SYT6: variants seen among roughly 807,000 people sequenced by gnomAD.
SYT6 encodes synaptotagmin-6.
In SYT6, 24 loss-of-function variants were observed where a neutral mutation model predicts 38.4. That is an observed-to-expected ratio of 0.62 (90% CI 0.45 to 0.88). The LOEUF is 0.88. Ranked by LOEUF, SYT6 falls within the 40% of genes least tolerant of loss-of-function variation. The pLI, the probability that SYT6 is intolerant of heterozygous loss-of-function variation, is 0.00. For synonymous variants in SYT6, 265 were observed against 241.9 expected (o/e 1.10, Z -0.89); for missense variants, 611 against 621.0 (o/e 0.98, Z 0.17).
chr1:114,093,847 C>T (rs1321081683), intron 6 of SYT6, 44 bp from the exon 7 acceptor site: 5 of 1,582,702 alleles, frequency 3.2e-6, no homozygotes, highest in Non-Finnish European at 4.3e-6. Context: ...TTGTTGAGGC[C>T]ACTGTGGCTT....
At chr1:114,140,887 T>C (rs889574954) in intron 1 of SYT6, among the ~76,000 whole-genome samples, 9 of 152,234 alleles carry the variant, frequency 5.9e-5, no homozygotes, top group African/African-American at 2.2e-4. Flanking sequence ...GTTGTTATGG[T>C]GATCTATGAT....
At chr1:114,099,838 G>T (rs1249104388) in intron 4 of SYT6, among the ~76,000 whole-genome samples, 1 of 152,092 alleles carries the variant, frequency 6.6e-6, no homozygotes, top group Non-Finnish European at 1.5e-5. Context: ...ACATAATTTT[G>T]GGTCCCATTG....
At chr1:114,148,015 C>T (rs913350384) in intron 1 of SYT6, among the ~76,000 whole-genome samples, 4 of 152,230 alleles carry the variant, frequency 2.6e-5, no homozygotes, top group African/African-American at 9.6e-5. Flanking sequence ...GGCCCCTCTT[C>T]TCTCCTGGGA....
At chr1:114,137,336 G>A (rs1678539427) in intron 3 of SYT6, among the ~76,000 whole-genome samples, 159 bp downstream of exon 3, 1 of 152,224 alleles carries the variant, frequency 6.6e-6, no homozygotes, top group South Asian at 2.1e-4. Flanking sequence ...GGGGCAGAGT[G>A]CAAGGGTAGA....
chr1:114,133,287 C>A (rs1305529259), intron 3 of SYT6, among the ~76,000 whole-genome samples: 1 of 152,142 alleles, frequency 6.6e-6, no homozygotes, highest in South Asian at 2.1e-4. Flanking sequence ...ATATTTATGG[C>A]CCCAGTTACA....
chr1:114,102,595 T>C (rs757056827), intron 4 of SYT6, among the ~76,000 whole-genome samples: 1 of 150,042 alleles, frequency 6.7e-6, no homozygotes, highest in African/African-American at 2.5e-5. Context: ...TTCCAGCAAA[T>C]AAATAAAGAA....
At chr1:114,136,017 G>A (rs753492864) in intron 3 of SYT6, among the ~76,000 whole-genome samples, 6 of 152,196 alleles carry the variant, frequency 3.9e-5, no homozygotes, top group Non-Finnish European at 7.3e-5. Context: ...CGCCCCGTCT[G>A]CCTGCTGGCC....
chr1:114,130,500 C>A lies in SYT6; in HGVS notation c.1071+6995G>T, dbSNP rs1398489202. On this transcript the variant is annotated intron_variant, in intron 3 of 7. Coordinates refer to ENST00000610222, the MANE Select transcript of SYT6 (RefSeq NM_001253772.2). ...CTCCTTCATCCTGGCTGTGGGCGTT[C>A]CCCAAAGCTCGGTTCTTGTTCCTGA... Among the ~76,000 whole-genome samples, 3 of 152,178 alleles carry A rather than the reference C, an allele frequency of 2.0e-5. No individual in the cohort carries two copies. In the East Asian group the frequency reaches 5.8e-4, roughly 29 times the overall value.
At chr1:114,123,134 A>G (rs914680690) in intron 3 of SYT6, among the ~76,000 whole-genome samples, 9 of 152,304 alleles carry the variant, frequency 5.9e-5, no homozygotes, top group Non-Finnish European at 1.2e-4. Flanking sequence ...AGTGTCTCAC[A>G]GGGCCCTGCA....
chr1:114,150,918 A>G (rs1173674642), intron 1 of SYT6, among the ~76,000 whole-genome samples: 2 of 152,230 alleles, frequency 1.3e-5, no homozygotes, highest in Admixed American at 6.5e-5. Flanking sequence ...AGCAAATGAC[A>G]GTGGAGTCTG....
Position 114,092,047 on chromosome 1 carries a change from G to A in SYT6, c.*87C>T. 2 of 1,536,274 alleles carry A rather than the reference G, an allele frequency of 1.3e-6. No individual in the cohort carries two copies. The highest frequency in any genetic ancestry group is 1.7e-6 in the Non-Finnish European group (2 of 1,146,898). ...GAGGTGGTTTCGGAGATGGGCACGA[G>A]CTCTCACTGTCGAAGCTAGCAGCTC... is the stretch of plus-strand genomic sequence containing the variant. On this transcript the variant is annotated 3_prime_UTR_variant, in exon 8 of 8. Coordinates refer to ENST00000610222, the MANE Select transcript of SYT6 (RefSeq NM_001253772.2).
At chr1:114,112,053 T>C (rs953030487) in intron 3 of SYT6, among the ~76,000 whole-genome samples, 1 of 152,136 alleles carries the variant, frequency 6.6e-6, no homozygotes, top group East Asian at 1.9e-4. Context: ...CTGGGGCAGG[T>C]TCTGTTTGTT....
chr1:114,129,495 C>T (rs1161131355), intron 3 of SYT6, among the ~76,000 whole-genome samples: 1 of 152,260 alleles, frequency 6.6e-6, no homozygotes, highest in East Asian at 1.9e-4. Context: ...CTGCCACACT[C>T]ACTGGTCCTC....
At chr1:114,092,336 C>G (rs112203415) in intron 7 of SYT6, among the ~76,000 whole-genome samples, 1,384 of 129,992 alleles carry the variant, frequency 0.011, 12 homozygotes, top group East Asian at 0.069. Flanking sequence ...CTCTCTCTCT[C>G]TCTGTGTGTG....
intron 3 of SYT6, among the ~76,000 whole-genome samples, chr1:114,113,670 T>C (rs901550686): frequency 4.6e-5 from 7 of 152,040 alleles, no homozygotes; most frequent in Non-Finnish European, 1.0e-4. Context: ...CCAAATTCCA[T>C]CTCAAGTCCA....
chr1:114,098,946 TC>T (rs1488923377), intron 5 of SYT6, 147 bp downstream of exon 5: 2 of 749,262 alleles, frequency 2.7e-6, no homozygotes, highest in Non-Finnish European at 4.1e-6. Context: ...TTCCTCAAAC[TC>T]CTGCACCCTT....
intron 5 of SYT6, among the ~76,000 whole-genome samples, chr1:114,098,677 G>A (rs894760082): frequency 3.9e-5 from 6 of 152,188 alleles, no homozygotes; most frequent in African/African-American, 1.4e-4. Flanking sequence ...TATGTTGACC[G>A]AATTGTGGCA....
intron 4 of SYT6, among the ~76,000 whole-genome samples, chr1:114,103,343 G>A (rs924487215): frequency 4.6e-5 from 7 of 152,238 alleles, no homozygotes; most frequent in Admixed American, 2.6e-4. Flanking sequence ...GCACCATTCT[G>A]AACATTTACA....
chr1:114,094,574 G>T (rs73003971), intron 6 of SYT6, among the ~76,000 whole-genome samples: 2,486 of 152,262 alleles, frequency 0.016, 61 homozygotes, highest in African/African-American at 0.054. Context: ...TCCCAGCAGG[G>T]AAAGACACCT....
Sources: allele counts gnomAD v4.1 joint callset (sites outside exome capture counted in the v4.1 genomes callset), GRCh38; gene constraint gnomAD v4.1.1; transcripts MANE v1.5; gene names NCBI Gene and HGNC (gene_info 2026-07-23, HGNC 2026-07-21).